The following TMEM144 variants were observed in gnomAD, a reference collection of about 807,000 sequenced individuals.
TMEM144 encodes transmembrane protein 144.
TMEM144 carries 39 observed loss-of-function variants against 43.6 expected under a neutral mutation model. The ratio of observed to expected loss-of-function variants is 0.90; its 90% CI spans 0.69 to 1.17. The LOEUF is 1.17. Ranked by LOEUF, TMEM144 falls within the 50% of genes most tolerant of loss-of-function variation. The probability of loss-of-function intolerance (pLI) is 0.00; values close to 1 mark genes in which losing one functional copy is unlikely to be tolerated. For synonymous variants in TMEM144, 154 were observed against 133.6 expected (o/e 1.15, Z -1.06); for missense variants, 417 against 411.9 (o/e 1.01, Z -0.11).
chr4:158,239,706 C>A (rs1348168250), intron 9 of TMEM144, among the ~76,000 whole-genome samples: 1 of 152,142 alleles, frequency 6.6e-6, no homozygotes, highest in East Asian at 1.9e-4. Context: ...GAGGTATTAA[C>A]ATCATAGTTA....
chr4:158,219,608 C>T (rs1377864496), intron 6 of TMEM144, among the ~76,000 whole-genome samples: 1 of 152,134 alleles, frequency 6.6e-6, no homozygotes, highest in African/African-American at 2.4e-5. Flanking sequence ...ACTCTGAGAG[C>T]CTGGAAAATC....
intron 5 of TMEM144, 129 bp from the exon 6 acceptor site, chr4:158,219,181 A>G (rs1734385622): frequency 2.3e-6 from 2 of 866,472 alleles, no homozygotes; most frequent in Non-Finnish European, 3.6e-6. Context: ...TAACTTTCCC[A>G]AAGTCACAGC....
chr4:158,237,356 A>G, intron 8 of TMEM144, 169 bp from the exon 9 acceptor site: 1 of 578,874 alleles, frequency 1.7e-6, no homozygotes, highest in South Asian at 2.4e-5. Flanking sequence ...TGCCACTTTA[A>G]TACTGCAGGG....
intron 12 of TMEM144, among the ~76,000 whole-genome samples, chr4:158,248,438 C>T (rs1190955435): frequency 1.3e-5 from 2 of 152,042 alleles, no homozygotes; most frequent in Non-Finnish European, 2.9e-5. Flanking sequence ...TAACTAACCA[C>T]ATAAATAAAT....
chr4:158,221,551 TC>T (rs1370066191), intron 6 of TMEM144, among the ~76,000 whole-genome samples: 1 of 152,176 alleles, frequency 6.6e-6, no homozygotes, highest in Non-Finnish European at 1.5e-5. Flanking sequence ...TTCTTGAAGA[TC>T]CAGAAGCCAG....
intron 10 of TMEM144, 56 bp from the exon 11 acceptor site, chr4:158,241,453 T>G: frequency 2.2e-5 from 29 of 1,308,886 alleles, no homozygotes; most frequent in Middle Eastern, 1.8e-4. Flanking sequence ...TAGCTCAGTG[T>G]GAGTTCTTCA....
At chr4:158,215,783 C>G (rs1734192201) in intron 4 of TMEM144, among the ~76,000 whole-genome samples, 1 of 152,140 alleles carries the variant, frequency 6.6e-6, no homozygotes, top group African/African-American at 2.4e-5. Flanking sequence ...CTTCCTGTTG[C>G]CTTATCAGTA....
rs1028224554 is a variant in TMEM144 at position 158,254,005 on chromosome 4, A to G, written c.*478A>G. The stretch of plus-strand genomic sequence containing the variant: ...AGATATTTGGATCCTTTGTTTCATA[A>G]AGTAAATGCATAGTTGGTAACTAAA... On this transcript the variant is annotated 3_prime_UTR_variant, in exon 13 of 13. Coordinates refer to ENST00000296529, the MANE Select transcript of TMEM144 (RefSeq NM_018342.5). 6.6e-6 allele frequency: 1 copy of G among 152,644 alleles called. No homozygotes were observed. The highest frequency in any genetic ancestry group is 2.4e-5 in the African/African-American group (1 of 41,476). 9.5% of individuals were successfully genotyped at this position (152,644 alleles called of 1,614,324 possible).
intron 8 of TMEM144, 120 bp from the exon 9 acceptor site, chr4:158,237,405 A>G: frequency 1.3e-6 from 1 of 741,170 alleles, no homozygotes; most frequent in Non-Finnish European, 2.3e-6. Context: ...GCTTGAGATA[A>G]ATGGATGGTT....
In TMEM144 at chr4:158,255,411, G is replaced by C. The variant is rs186052750; in HGVS notation, c.*1884G>C. 4.0e-5 allele frequency: 6 copies of C among 149,616 alleles called. No individual in the cohort carries two copies. In the East Asian group the frequency reaches 1.2e-3, roughly 29 times the overall value. 9.3% of individuals were successfully genotyped at this position (149,616 alleles called of 1,614,324 possible). A position where few individuals can be genotyped will look rare whatever the true frequency, so the allele number is the denominator to read the frequency against. On this transcript the variant is annotated 3_prime_UTR_variant, in exon 13 of 13. Transcript: ENST00000296529. ...AGTAAAGCAGTTTCAGAAGAAAAAT[G>C]AAAAATCAGTCTTATTACCTCTATA... is the stretch of plus-strand genomic sequence containing the variant.
At chr4:158,240,278 G>A (rs769087345) in intron 9 of TMEM144, 21 bp from the exon 10 acceptor site, 2 of 1,594,734 alleles carry the variant, frequency 1.3e-6, no homozygotes, top group Non-Finnish European at 1.7e-6. Flanking sequence ...GTGTTTGAGA[G>A]TTTTTAATGT....
intron 2 of TMEM144, chr4:158,211,787 T>C (rs1461920732): frequency 6.6e-6 from 1 of 152,230 alleles, no homozygotes; most frequent in Non-Finnish European, 1.5e-5. Flanking sequence ...CTAAAGTTTA[T>C]TGACCAGTTT....
Position 158,217,345 on chromosome 4 carries a change from T to C in TMEM144, c.257T>C (p.Ile86Thr). The C allele has an allele frequency of 2.5e-6, 4 of 1,612,992 alleles. No individual in the cohort carries two copies. The highest frequency in any genetic ancestry group is 3.4e-6 in the Non-Finnish European group (4 of 1,179,248). ...GGGAACATTGCTGTTGTCCCAATTA[T>C]CAAAACCATTGGTTTAGGCCTTGGA... ...ATGNIAVVPI[I>T]KTIGLGLGIL... The change falls in exon 5 of 13, where the codon ATC becomes ACC. Residue 86 changes from isoleucine (I) to threonine (T), a missense_variant. By Grantham distance (89) the Ile-to-Thr change is moderately conservative (BLOSUM62 -1). Transcript: ENST00000296529.
chr4:158,211,521 C>T lies in TMEM144; in HGVS notation c.-114C>T, dbSNP rs1335241704. 1 of 152,262 alleles carries T rather than the reference C, an allele frequency of 6.6e-6. No homozygotes were observed. Among genetic ancestry groups the T allele is most frequent in the Non-Finnish European group, 1.5e-5 (1 of 68,074 alleles). 9.4% of individuals were successfully genotyped at this position (152,262 alleles called of 1,614,324 possible). A position where few individuals can be genotyped will look rare whatever the true frequency, so the allele number is the denominator to read the frequency against. On this transcript the variant is annotated 5_prime_UTR_variant, in exon 2 of 13. Coordinates refer to ENST00000296529, the MANE Select transcript of TMEM144 (RefSeq NM_018342.5). ...TTGCACCTCTGTTATCTTGGCACCT[C>T]TGTTATCTTAGCAGCAAGCACCTGC...
At chr4:158,233,206 G>A (rs1735170181) in intron 7 of TMEM144, 1 of 397,222 alleles carries the variant, frequency 2.5e-6, no homozygotes, top group Admixed American at 4.1e-5. Context: ...TTGATTAACA[G>A]ATCTCTACTA....
At chr4:158,223,360 A>T (rs548823790) in intron 6 of TMEM144, among the ~76,000 whole-genome samples, 1 of 152,200 alleles carries the variant, frequency 6.6e-6, no homozygotes, top group Admixed American at 6.5e-5. Flanking sequence ...TCAGGGAGTG[A>T]TTTGTTGGAG....
chr4:158,251,339 T>C (rs896941649), intron 12 of TMEM144, among the ~76,000 whole-genome samples: 2 of 152,142 alleles, frequency 1.3e-5, no homozygotes, highest in Admixed American at 1.3e-4. Context: ...GCAGAGCCAA[T>C]GCCCTTAATC....
chr4:158,212,420 AGTGATCAAAAAT>A (rs1287154384), intron 2 of TMEM144, among the ~76,000 whole-genome samples, 176 bp from the exon 3 acceptor site: 2 of 152,348 alleles, frequency 1.3e-5, no homozygotes, highest in African/African-American at 4.8e-5. Context: ...ATTGTAGGCT[AGTGATCAAAAAT>A]ATTTGGTGAT....
rs1434333928 is a variant in TMEM144 at position 158,212,597 on chromosome 4, T to C, written c.-60-11T>C. On this transcript the variant is annotated splice_polypyrimidine_tract_variant and intron_variant, in intron 2 of 12. Coordinates refer to ENST00000296529, the MANE Select transcript of TMEM144 (RefSeq NM_018342.5). Reference sequence around the variant, plus strand: ...CACGTCTCAATTGTTTCATTTTTTCTTTTATTTCAGAAGCTCCTGAAAAGT... The same window carrying C: ...CACGTCTCAATTGTTTCATTTTTTCCTTTATTTCAGAAGCTCCTGAAAAGT... The C allele has an allele frequency of 3.5e-6, 4 of 1,134,170 alleles. No individual in the cohort carries two copies. The highest frequency in any genetic ancestry group is 5.1e-6 in the Non-Finnish European group (4 of 789,912). The allele number at this position is 1,134,170 out of a possible 1,614,324, so 70.3% of individuals were successfully genotyped here. A position where few individuals can be genotyped will look rare whatever the true frequency, so the allele number is the denominator to read the frequency against.
Sources: gnomAD v4.1 joint callset for allele counts (sites outside exome capture counted in the v4.1 genomes callset) on GRCh38, gnomAD v4.1.1 for gene constraint, MANE v1.5 for transcripts, NCBI Gene and HGNC (gene_info 2026-07-23, HGNC 2026-07-21) for gene names.